Variants in BBS9 observed in about 807,000 individuals in gnomAD.
The protein encoded by BBS9 is Bardet-Biedl syndrome 9, also known as protein PTHB1.
BBS9 carries 89 observed loss-of-function variants against 117.7 expected under a neutral mutation model. The ratio of observed to expected loss-of-function variants is 0.76; its 90% confidence interval spans 0.64 to 0.90. The LOEUF is 0.90. Among genes scored for constraint, BBS9 ranks in the 40% least tolerant of loss-of-function variants. The probability of loss-of-function intolerance (pLI) is 0.00; values close to 1 mark genes in which losing one functional copy is unlikely to be tolerated. For missense variants in BBS9, 982 were observed against 1,042.2 expected, an observed-to-expected ratio of 0.94 and a Z score of 0.80; for synonymous variants, 379 against 370.9, an observed-to-expected ratio of 1.02 and a Z score of -0.25.
chr7:33,155,966 C>G lies in BBS9; in HGVS notation c.328+264C>G, dbSNP rs1794040842. On this transcript the variant is annotated intron_variant, in intron 4 of 22. Transcript: ENST00000242067. ...ATCACCTGCCTCTCCAGAATTGTTTCCGGGATTGCCTGTGACTAATAGAGG... is the reference window on the plus strand; with the variant it reads ...ATCACCTGCCTCTCCAGAATTGTTTGCGGGATTGCCTGTGACTAATAGAGG... Among the ~76,000 whole-genome samples, 5 of 152,170 alleles carry G rather than the reference C, an allele frequency of 3.3e-5. No individual in the cohort carries two copies. The South Asian group carries it at 1.0e-3, about 32-fold the overall frequency.
chr7:33,480,016 T>C (rs912351535), intron 19 of BBS9, among the ~76,000 whole-genome samples: 1 of 152,138 alleles, frequency 6.6e-6, no homozygotes, highest in African/African-American at 2.4e-5. Context: ...TTTCAAAGGA[T>C]TTCAGAACAT....
At chr7:33,219,187 T>C (rs2128236345) in intron 5 of BBS9, among the ~76,000 whole-genome samples, 1 of 152,306 alleles carries the variant, frequency 6.6e-6, no homozygotes, top group Middle Eastern at 3.4e-3. Context: ...GCTCAATTTC[T>C]CACCGGGCCT....
intron 19 of BBS9, among the ~76,000 whole-genome samples, chr7:33,500,281 A>C (rs1431768454): frequency 6.6e-6 from 1 of 152,374 alleles, no homozygotes; most frequent in South Asian, 2.1e-4. Context: ...TTAAATATCA[A>C]GATGAAAATT....
chr7:33,485,308 GTT>G (rs371550940), intron 19 of BBS9, among the ~76,000 whole-genome samples: 10 of 127,122 alleles, frequency 7.9e-5, no homozygotes, highest in Non-Finnish European at 6.6e-5. Context: ...TAACATAAAA[GTT>G]TTTTTTTTTT....
chr7:33,313,027 G>A (rs1196294771), intron 9 of BBS9, among the ~76,000 whole-genome samples: 1 of 143,226 alleles, frequency 7.0e-6, no homozygotes, highest in East Asian at 2.1e-4. Context: ...TAAATGTGCT[G>A]TACTCTGTGG....
At chr7:33,248,885 T>C (rs140960891) in intron 5 of BBS9, among the ~76,000 whole-genome samples, 348 of 152,270 alleles carry the variant, frequency 2.3e-3, no homozygotes, top group African/African-American at 8.2e-3. Context: ...TTTTTCAGAC[T>C]TGGAGAAAGA....
At chr7:33,148,383 G>A (rs1209512071) in intron 2 of BBS9, among the ~76,000 whole-genome samples, 4 of 152,120 alleles carry the variant, frequency 2.6e-5, no homozygotes, top group Non-Finnish European at 4.4e-5. Flanking sequence ...AGAGAGGCAG[G>A]AAAACTAATT....
At chr7:33,176,798 ACTTTTTAATC>A (rs1424836978) in intron 4 of BBS9, among the ~76,000 whole-genome samples, 1 of 152,118 alleles carries the variant, frequency 6.6e-6, no homozygotes, top group Non-Finnish European at 1.5e-5. Flanking sequence ...TTTCCAACAC[ACTTTTTAATC>A]ATAATGTTCT....
At position 33,534,010 on chromosome 7, in the gene BBS9, G is replaced by T. The variant is rs1403362656; in HGVS notation, c.2355G>T (p.Ser785=). Residue 785 remains serine, a synonymous_variant, in exon 21 of 23, where the codon TCG becomes TCT. Coordinates refer to ENST00000242067, the MANE Select transcript of BBS9 (RefSeq NM_198428.3). The part of the protein sequence containing the change: ...AISHLLKTCL[S]KSSKEQALNL... ...CCCACCTGTTGAAGACTTGCCTGTC[G>T]AAGAGTTCTAAGGAGCAGGCTTTGA... The T allele has an allele frequency of 1.2e-6, 2 of 1,614,176 alleles. No individual in the cohort carries two copies. Among genetic ancestry groups the T allele is most frequent in the Non-Finnish European group, 8.5e-7 (1 of 1,180,028 alleles).
At chr7:33,146,187 A>T in intron 1 of BBS9, 55 bp from the exon 2 acceptor site, 1 of 1,204,218 alleles carries the variant, frequency 8.3e-7, no homozygotes, top group Non-Finnish European at 1.2e-6. Flanking sequence ...ATGCCTTAAG[A>T]CATAATTATT....
At chr7:33,515,429 C>T (rs920161737) in intron 20 of BBS9, among the ~76,000 whole-genome samples, 7 of 152,150 alleles carry the variant, frequency 4.6e-5, no homozygotes, top group African/African-American at 1.7e-4. Context: ...TGCGGCATTT[C>T]TTGGGTGTGC....
intron 21 of BBS9, among the ~76,000 whole-genome samples, chr7:33,634,427 A>G (rs112160378): frequency 1.6e-4 from 25 of 152,232 alleles, no homozygotes; most frequent in South Asian, 4.1e-4. Flanking sequence ...TGAAGCAGAG[A>G]TAATAATGCC....
chr7:33,310,074 T>G (rs2128549762), intron 9 of BBS9, among the ~76,000 whole-genome samples: 1 of 152,312 alleles, frequency 6.6e-6, no homozygotes, highest in African/African-American at 2.4e-5. Flanking sequence ...GGGTATCACC[T>G]TAGTGTTGAG....
chr7:33,622,186 G>A (rs900904593), intron 21 of BBS9, among the ~76,000 whole-genome samples: 3 of 151,888 alleles, frequency 2.0e-5, no homozygotes, highest in African/African-American at 4.8e-5. Flanking sequence ...CTCCAGCCTC[G>A]GTGCTGGAGA....
At chr7:33,622,837 T>A (rs1453684830) in intron 21 of BBS9, among the ~76,000 whole-genome samples, 1 of 152,206 alleles carries the variant, frequency 6.6e-6, no homozygotes, top group Non-Finnish European at 1.5e-5. Context: ...TAGTTTTCAA[T>A]AAGTGTTGCT....
intron 20 of BBS9, among the ~76,000 whole-genome samples, chr7:33,515,885 C>G (rs375653579): frequency 6.6e-6 from 1 of 152,220 alleles, no homozygotes; most frequent in South Asian, 2.1e-4. Context: ...TTGCCTCACT[C>G]AGTTCAACTT....
At chr7:33,134,139 C>T (rs930586841) in intron 1 of BBS9, among the ~76,000 whole-genome samples, 6 of 151,896 alleles carry the variant, frequency 4.0e-5, no homozygotes, top group African/African-American at 1.5e-4. Context: ...CAACCCCTGC[C>T]TCCAGGTTCA....
intron 19 of BBS9, among the ~76,000 whole-genome samples, chr7:33,411,011 G>GTTTTTTT (rs765425062): frequency 1.3e-4 from 13 of 96,434 alleles, no homozygotes; most frequent in East Asian, 6.5e-4. Flanking sequence ...AAATGTTGGT[G>GTTTTTTT]TTTTTTTTTT....
intron 4 of BBS9, among the ~76,000 whole-genome samples, chr7:33,166,336 TC>T (rs1209261457): frequency 1.3e-5 from 2 of 152,216 alleles, no homozygotes; most frequent in African/African-American, 4.8e-5. Context: ...GAGGAGGCAG[TC>T]TGTCTGTTCT....
Sources: gnomAD v4.1 joint callset for allele counts (sites outside exome capture counted in the v4.1 genomes callset) on GRCh38, gnomAD v4.1.1 for gene constraint, MANE v1.5 for transcripts, NCBI Gene and HGNC (gene_info 2026-07-23, HGNC 2026-07-21) for gene names.